The following DNAH1 variants were observed in gnomAD, a reference collection of about 807,000 sequenced individuals.
DNAH1 encodes dynein axonemal heavy chain 1, also known as axonemal beta dynein heavy chain 1.
A neutral mutation model predicts 484.3 loss-of-function variants in DNAH1; 327 were observed. The observed-to-expected ratio is 0.68, with a 90% CI of 0.62 to 0.74. The LOEUF is 0.74. Ranked by LOEUF, DNAH1 falls within the 30% of genes least tolerant of loss-of-function variation. The pLI, the probability that DNAH1 is intolerant of heterozygous loss-of-function variation, is 0.00. For synonymous variants in DNAH1, 2,192 were observed against 2,191.9 expected (o/e 1.00, Z 0.00); for missense variants, 5,052 against 5,546.8 (o/e 0.91, Z 2.83).
At chr3:52,311,972 C>T (rs1000342762), upstream of DNAH1, among the ~76,000 whole-genome samples, 2 of 152,254 alleles carry the variant, frequency 1.3e-5, no homozygotes, top group African/African-American at 4.8e-5. Flanking sequence ...CACCTGCTGA[C>T]CACCGCCCCC....
chr3:52,325,875 A>G (rs1701318376), intron 3 of DNAH1, among the ~76,000 whole-genome samples: 1 of 152,148 alleles, frequency 6.6e-6, no homozygotes, highest in African/African-American at 2.4e-5. Flanking sequence ...TGGTGTGGAA[A>G]GGAGTGGTCA....
chr3:52,370,353 C>T, intron 39 of DNAH1, 124 bp downstream of exon 39: 1 of 1,530,254 alleles, frequency 6.5e-7, no homozygotes. Context: ...ACAAGACCAC[C>T]TGTCCAATTG....
chr3:52,314,357 C>T (rs77589163), upstream of DNAH1, among the ~76,000 whole-genome samples: 2,685 of 152,272 alleles, frequency 0.018, 37 homozygotes, highest in Non-Finnish European at 0.026. Flanking sequence ...CCCCTTGGGC[C>T]GCTGCTCCTG....
At chr3:52,315,807 C>T (rs111802566), upstream of DNAH1, among the ~76,000 whole-genome samples, 5 of 152,186 alleles carry the variant, frequency 3.3e-5, no homozygotes, top group Admixed American at 6.5e-5. Flanking sequence ...TGAACCCTTG[C>T]GCAGCCATGG....
At chr3:52,367,421 C>T (rs867097382) in intron 36 of DNAH1, among the ~76,000 whole-genome samples, 2 of 152,076 alleles carry the variant, frequency 1.3e-5, no homozygotes, top group Admixed American at 6.6e-5. Context: ...GAGGGACAGT[C>T]GCCCACCTTC....
rs750015574 is a variant in DNAH1 at position 52,356,774 on chromosome 3, G to A, written c.3854G>A (p.Arg1285Gln). ...ATCATGAAGAATGCCTACGAGAACC[G>A]GGAGGCAAGCTCAATGAGGGTGGGA... ...KKIMKNAYENREVINVCSDLR... is the reference protein window; with the variant it reads ...KKIMKNAYENQEVINVCSDLR... The change falls in exon 22 of 78, where the codon CGG (arginine) becomes CAG (glutamine). Residue 1285 changes from arginine (R) to glutamine (Q), a missense_variant. Physicochemically the swap from Arg to Gln is conservative, Grantham distance 43 (BLOSUM62 1). Coordinates refer to ENST00000420323, the MANE Select transcript of DNAH1 (RefSeq NM_015512.5). The A allele has an allele frequency of 1.9e-5, 30 of 1,602,134 alleles. No homozygotes were observed. In the Admixed American group the frequency reaches 2.3e-4, roughly 12 times the overall value.
In DNAH1 at chr3:52,393,018, G is replaced by A; in HGVS notation, c.10467G>A (p.Glu3489=). The A allele has an allele frequency of 1.2e-6, 2 of 1,612,814 alleles. No individual in the cohort carries two copies. The highest frequency in any genetic ancestry group is 2.2e-5 in the East Asian group (1 of 44,852). Residue 3489 remains glutamate, a synonymous_variant, in exon 65 of 78, where the codon GAG becomes GAA. Coordinates refer to ENST00000420323, the MANE Select transcript of DNAH1 (RefSeq NM_015512.5). ...NIFLSGIANS[E]RADNLKKRIS... is the part of the protein sequence containing the mutation. ...TCCTCTCGGGCATCGCCAACTCAGA[G>A]AGAGCAGGTAGCACCGGCATGCCAG...
rs1559526942 is a variant in DNAH1, at chr3:52,359,405, C to T, written c.4407+19C>T. The T allele has an allele frequency of 3.2e-6, 5 of 1,563,970 alleles. No individual in the cohort carries two copies. The highest frequency in any genetic ancestry group is 2.4e-5 in the East Asian group (1 of 41,928). On this transcript the variant is annotated intron_variant, in intron 26 of 77. Transcript: ENST00000420323. ...CCAGCAGGTTGGAGTCAAGAGGACC[C>T]CTGTCTGTCCCCCTCCACCCCCTAC...
intron 41 of DNAH1, 72 bp from the exon 42 acceptor site, chr3:52,371,874 G>T: frequency 6.3e-7 from 1 of 1,577,160 alleles, no homozygotes; most frequent in African/African-American, 1.3e-5. Flanking sequence ...TCTGCACTTG[G>T]CCATGGGGCC....
chr3:52,393,014 C>G lies in DNAH1; in HGVS notation c.10463C>G (p.Ser3488Ter). 1 of 1,613,394 alleles carries G rather than the reference C, an allele frequency of 6.2e-7. No homozygotes were observed. The highest frequency in any genetic ancestry group is 8.5e-7 in the Non-Finnish European group (1 of 1,179,566). The change falls in exon 65 of 78, where the codon TCA becomes TGA. Residue 3488 changes from serine (S) to a stop codon, truncating the protein, a stop_gained. Transcript: ENST00000420323. LOFTEE classifies it high-confidence loss of function. ...LNIFLSGIANSERADNLKKRI... is the reference protein window; with the variant it reads ...LNIFLSGIAN Reference sequence around the variant, plus strand: ...ATCTTCCTCTCGGGCATCGCCAACTCAGAGAGAGCAGGTAGCACCGGCATG... The same window carrying G: ...ATCTTCCTCTCGGGCATCGCCAACTGAGAGAGAGCAGGTAGCACCGGCATG...
chr3:52,358,039 A>G lies in DNAH1; in HGVS notation c.4086+36A>G, dbSNP rs755088196. The G allele has an allele frequency of 1.3e-6, 2 of 1,498,994 alleles. No homozygotes were observed. The highest frequency in any genetic ancestry group is 2.8e-5 in the African/African-American group (2 of 71,782). The allele number at this position is 1,498,994 out of a possible 1,614,324, so 92.9% of individuals were successfully genotyped here. On this transcript the variant is annotated intron_variant, in intron 24 of 77. Transcript: ENST00000420323. The surrounding 1 kb of genome is among the most constrained non-coding windows in gnomAD (Gnocchi z 4.2). Reference sequence around the variant, plus strand: ...GGGCCCGGGGCTCAGGGCTGGGAGCATGGGGCATCTTCCCAGGGAGAACGT... The same window carrying G: ...GGGCCCGGGGCTCAGGGCTGGGAGCGTGGGGCATCTTCCCAGGGAGAACGT...
intron 41 of DNAH1, 63 bp from the exon 42 acceptor site, chr3:52,371,882 GC>G: frequency 6.3e-7 from 1 of 1,584,492 alleles, no homozygotes; most frequent in Non-Finnish European, 8.6e-7. Context: ...TGGCCATGGG[GC>G]CGCAGCCAGG....
At chr3:52,352,816 G>A in intron 18 of DNAH1, 109 bp downstream of exon 18, 2 of 1,443,858 alleles carry the variant, frequency 1.4e-6, no homozygotes, top group Non-Finnish European at 1.8e-6. Context: ...GCAGGACCCA[G>A]CAGGCTGCAG....
At position 52,386,677 on chromosome 3, in the gene DNAH1, C is replaced by A; in HGVS notation, c.8827C>A (p.Arg2943=). ...GGGCCTGCAGGTACGTGCCATGCAG[C>A]GGCCACCCCCGGGTGTGAAACTGGT... ...NDVTEVRAMQ[R]PPPGVKLVIE... is the part of the protein sequence containing the mutation. Residue 2943 remains arginine, a synonymous_variant, in exon 56 of 78, where the codon CGG becomes AGG. Transcript: ENST00000420323. The A allele has an allele frequency of 6.3e-7, 1 of 1,583,596 alleles. No individual in the cohort carries two copies. Among genetic ancestry groups the A allele is most frequent in the East Asian group, 2.3e-5 (1 of 43,310 alleles).
intron 61 of DNAH1, 61 bp from the exon 62 acceptor site, chr3:52,391,118 C>T: frequency 6.2e-7 from 1 of 1,607,846 alleles, no homozygotes; most frequent in African/African-American, 1.3e-5. Context: ...CAGTGGTGAG[C>T]CGCAGAGCCT....
At chr3:52,359,524 CT>C in intron 26 of DNAH1, 138 bp downstream of exon 26, 1 of 1,215,676 alleles carries the variant, frequency 8.2e-7, no homozygotes, top group Non-Finnish European at 1.1e-6. Flanking sequence ...GTCAGACACC[CT>C]TGAAGTGTCT....
intron 4 of DNAH1, 30 bp downstream of exon 4, chr3:52,326,344 T>C (rs762231833): frequency 3.8e-6 from 6 of 1,586,830 alleles, no homozygotes; most frequent in Non-Finnish European, 5.1e-6. Context: ...GGGGAGACTG[T>C]CGGGGAGGTG....
chr3:52,382,596 G>A (rs1309767777), intron 50 of DNAH1, 141 bp downstream of exon 50: 2 of 1,382,830 alleles, frequency 1.4e-6, no homozygotes, highest in East Asian at 2.3e-5. Flanking sequence ...AGGACCAGGT[G>A]GGGCCACAGA....
At position 52,346,764 on chromosome 3, in the gene DNAH1, C is replaced by T. The variant is rs1191126008; in HGVS notation, c.1949C>T (p.Pro650Leu). Residue 650 changes from proline to leucine, a missense_variant, in exon 11 of 78, where the codon CCC becomes CTC. This residue lies in a region of DNAH1 where 1,263 missense variants were observed against 1,218.8 expected (regional missense o/e 1.04). Transcript: ENST00000420323. ...TGGGGTGACGACTTAATTAACAGCCCCTACAGGTGGGGCCCGGCGGGGCGG... is the reference window on the plus strand; with the variant it reads ...TGGGGTGACGACTTAATTAACAGCCTCTACAGGTGGGGCCCGGCGGGGCGG... ...MVWGDDLINS[P>L]YRPRKNPLFI... 2 of 1,603,990 alleles carry T rather than the reference C, an allele frequency of 1.2e-6. No homozygotes were observed. The highest frequency in any genetic ancestry group is 8.5e-7 in the Non-Finnish European group (1 of 1,171,718).
Sources: allele counts gnomAD v4.1 joint callset (sites outside exome capture counted in the v4.1 genomes callset), GRCh38; gene constraint gnomAD v4.1.1; regional missense constraint gnomAD v4.1.1; non-coding constraint Gnocchi (gnomAD v3.1); transcripts MANE v1.5; gene names NCBI Gene and HGNC (gene_info 2026-07-23, HGNC 2026-07-21).